Variants in UGGT2 observed in about 807,000 individuals in gnomAD.
UGGT2 encodes the protein UDP-glucose:glycoprotein glucosyltransferase 2.
UGGT2 carries 180 observed loss-of-function variants against 192.1 expected under a neutral mutation model. The observed-to-expected ratio is 0.94, with a 90% CI of 0.83 to 1.06. The LOEUF is 1.06. Among genes scored for constraint, UGGT2 ranks in the 50% least tolerant of loss-of-function variants. UGGT2 has a pLI of 0.00. For missense variants in UGGT2, 1,849 were observed against 1,795.7 expected, an observed-to-expected ratio of 1.03 and a Z score of -0.54; for synonymous variants, 580 against 591.0, an observed-to-expected ratio of 0.98 and a Z score of 0.27.
At chr13:96,050,389 C>A (rs572810111) in intron 1 of UGGT2, among the ~76,000 whole-genome samples, 1 of 152,112 alleles carries the variant, frequency 6.6e-6, no homozygotes, top group African/African-American at 2.4e-5. Context: ...AGAAGAAAAC[C>A]TAGGCAATAC....
intron 36 of UGGT2, among the ~76,000 whole-genome samples, chr13:95,845,910 G>A (rs1888383745): frequency 1.3e-5 from 2 of 151,876 alleles, no homozygotes; most frequent in Admixed American, 6.6e-5. Flanking sequence ...ACGGGATGAG[G>A]GCCGGGGAGA....
intron 9 of UGGT2, among the ~76,000 whole-genome samples, chr13:95,986,099 C>T (rs575300534): frequency 3.3e-5 from 5 of 151,578 alleles, no homozygotes; most frequent in African/African-American, 1.2e-4. Flanking sequence ...GACTTTTTTT[C>T]CTATTTGCCT....
chr13:95,925,571 T>G (rs2048991186), intron 20 of UGGT2, 109 bp downstream of exon 20: 1 of 775,964 alleles, frequency 1.3e-6, no homozygotes. Context: ...TTCGTCTACT[T>G]AACTGAAACA....
At chr13:95,923,403 C>T (rs2048911941) in intron 20 of UGGT2, among the ~76,000 whole-genome samples, 1 of 138,082 alleles carries the variant, frequency 7.2e-6, no homozygotes, top group South Asian at 2.3e-4. Context: ...GAGTCTCACT[C>T]TGTCAACCAG....
chr13:96,044,888 AC>A (rs1393424064), intron 1 of UGGT2, among the ~76,000 whole-genome samples: 2 of 152,188 alleles, frequency 1.3e-5, no homozygotes, highest in African/African-American at 2.4e-5. Context: ...CCAGGACCAG[AC>A]ATATTCACAG....
intron 1 of UGGT2, among the ~76,000 whole-genome samples, chr13:96,037,498 C>T (rs1445466414): frequency 1.3e-5 from 2 of 152,162 alleles, no homozygotes; most frequent in Non-Finnish European, 2.9e-5. Context: ...CGCTTGGCCG[C>T]AAATTTTATT....
intron 30 of UGGT2, among the ~76,000 whole-genome samples, 192 bp downstream of exon 30, chr13:95,867,142 CCTTCT>C (rs1239480627): frequency 2.6e-5 from 4 of 151,932 alleles, no homozygotes; most frequent in African/African-American, 9.7e-5. Context: ...AAAAAAAAAT[CCTTCT>C]CTTCTATCTT....
At chr13:95,863,849 A>G (rs1034601893) in intron 30 of UGGT2, 135 bp from the exon 31 acceptor site, 2 of 686,546 alleles carry the variant, frequency 2.9e-6, no homozygotes, top group Non-Finnish European at 5.2e-6. Context: ...AAGACAGGCA[A>G]TATCTTAGCA....
At chr13:95,808,913 C>G (rs1290464184) in intron 38 of UGGT2, among the ~76,000 whole-genome samples, 1 of 152,084 alleles carries the variant, frequency 6.6e-6, no homozygotes, top group Non-Finnish European at 1.5e-5. Flanking sequence ...TAAAAAACAA[C>G]AAGGGAACAG....
chr13:95,981,790 T>C (rs1416107532), intron 10 of UGGT2, among the ~76,000 whole-genome samples: 1 of 152,186 alleles, frequency 6.6e-6, no homozygotes, highest in Non-Finnish European at 1.5e-5. Context: ...AGTCCAAGAT[T>C]TTCTTACCTT....
chr13:95,973,193 ATAAT>A (rs1456636617), intron 10 of UGGT2, among the ~76,000 whole-genome samples: 1 of 151,894 alleles, frequency 6.6e-6, no homozygotes, highest in African/African-American at 2.4e-5. Context: ...AAAATAATAA[ATAAT>A]AAATAAAAAT....
chr13:95,939,359 T>G (rs185473250), intron 16 of UGGT2, among the ~76,000 whole-genome samples: 50 of 152,296 alleles, frequency 3.3e-4, no homozygotes, highest in Non-Finnish European at 6.8e-4. Context: ...AGCATTCCTC[T>G]TTCATTCAAT....
intron 2 of UGGT2, among the ~76,000 whole-genome samples, chr13:96,024,292 T>A (rs1361355142): frequency 6.6e-6 from 1 of 152,138 alleles, no homozygotes; most frequent in Non-Finnish European, 1.5e-5. Flanking sequence ...TAACCTGAGC[T>A]GCGAGTTGCC....
At chr13:96,022,292 A>G (rs1237486754) in intron 4 of UGGT2, among the ~76,000 whole-genome samples, 1 of 152,052 alleles carries the variant, frequency 6.6e-6, no homozygotes, top group African/African-American at 2.4e-5. Context: ...TTAGAAAGCT[A>G]CAGAAAGAAT....
intron 1 of UGGT2, among the ~76,000 whole-genome samples, chr13:96,040,084 G>A (rs1728939456): frequency 6.6e-6 from 1 of 152,186 alleles, no homozygotes; most frequent in Non-Finnish European, 1.5e-5. Context: ...TCTAGCCTCT[G>A]TCCAACTCCA....
At chr13:95,847,059 TTC>T (rs1239823958) in intron 36 of UGGT2, among the ~76,000 whole-genome samples, 2 of 75,840 alleles carry the variant, frequency 2.6e-5, no homozygotes, top group Admixed American at 1.3e-4. Context: ...TTCTTTTCTT[TTC>T]TTTTTTTTTT....
intron 36 of UGGT2, among the ~76,000 whole-genome samples, chr13:95,842,877 C>T (rs184274563): frequency 1.9e-4 from 29 of 152,292 alleles, no homozygotes; most frequent in East Asian, 1.9e-4. Flanking sequence ...CGGCAGTCCC[C>T]GGGCTGACAC....
At chr13:95,913,213 G>T (rs1011404201) in intron 20 of UGGT2, among the ~76,000 whole-genome samples, 3 of 152,088 alleles carry the variant, frequency 2.0e-5, no homozygotes, top group Non-Finnish European at 4.4e-5. Context: ...AAAAGCAATG[G>T]CAACAAAAGC....
chr13:95,943,398 C>T (rs902982550), intron 15 of UGGT2, among the ~76,000 whole-genome samples: 5 of 151,836 alleles, frequency 3.3e-5, no homozygotes, highest in Non-Finnish European at 5.9e-5. Context: ...CAAAACTGAC[C>T]TTCCCCCCAG....
Sources: allele counts gnomAD v4.1 joint callset (sites outside exome capture counted in the v4.1 genomes callset), GRCh38; gene constraint gnomAD v4.1.1; transcripts MANE v1.5; gene names NCBI Gene and HGNC (gene_info 2026-07-23, HGNC 2026-07-21).